Variants in SNX4 observed in about 807,000 individuals in gnomAD.
The protein encoded by SNX4 is sorting nexin-4.
Under a neutral mutation model 70.8 loss-of-function variants are expected in SNX4, and 49 were observed. That is an observed-to-expected ratio of 0.69 (90% CI 0.55 to 0.88). SNX4 has a LOEUF of 0.88. SNX4 is among the 40% of genes least tolerant of loss of function. The probability of loss-of-function intolerance (pLI) is 0.00; values close to 1 mark genes in which losing one functional copy is unlikely to be tolerated. For synonymous variants in SNX4, 206 were observed against 183.8 expected (o/e 1.12, Z -0.98); for missense variants, 528 against 544.8 (o/e 0.97, Z 0.31).
Position 125,446,844 on chromosome 3 carries a change from A to G in SNX4, c.*935T>C, listed in dbSNP as rs1185809757. The G allele has an allele frequency of 6.6e-6, 1 of 152,626 alleles. No homozygotes were observed. Among genetic ancestry groups the G allele is most frequent in the Non-Finnish European group, 1.5e-5 (1 of 68,038 alleles). The allele number at this position is 152,626 out of a possible 1,614,324, so 9.5% of individuals were successfully genotyped here. A position where few individuals can be genotyped will look rare whatever the true frequency, so the allele number is the denominator to read the frequency against. On this transcript the variant is annotated 3_prime_UTR_variant, in exon 14 of 14. Transcript: ENST00000251775. ...GAAGATGCTTGCCTTCTGAACATAT[A>G]CTACAAACACACATACAAAAAAACA...
At chr3:125,511,487 A>C (rs1010526025) in intron 1 of SNX4, among the ~76,000 whole-genome samples, 2 of 152,136 alleles carry the variant, frequency 1.3e-5, no homozygotes, top group East Asian at 3.8e-4. Context: ...AGAAGAGCAG[A>C]CTCCTTTCTT....
intron 1 of SNX4, among the ~76,000 whole-genome samples, chr3:125,518,412 T>C (rs1935324619): frequency 6.6e-6 from 1 of 150,776 alleles, no homozygotes; most frequent in South Asian, 2.1e-4. Context: ...CAGTGAGCCA[T>C]GATTGTGCCA....
At chr3:125,473,667 G>T (rs192690842) in intron 8 of SNX4, among the ~76,000 whole-genome samples, 21 of 152,082 alleles carry the variant, frequency 1.4e-4, no homozygotes, top group South Asian at 8.3e-4. Flanking sequence ...TGCCCGCATC[G>T]GCCTCTCAAA....
intron 10 of SNX4, 151 bp from the exon 11 acceptor site, chr3:125,457,516 T>A: frequency 1.6e-6 from 1 of 613,992 alleles, no homozygotes; most frequent in Admixed American, 3.0e-5. Context: ...AGCCCAACAT[T>A]AAAAATGGAA....
chr3:125,498,805 T>C (rs1185378040), intron 2 of SNX4, among the ~76,000 whole-genome samples: 2 of 152,180 alleles, frequency 1.3e-5, no homozygotes, highest in Non-Finnish European at 2.9e-5. Context: ...TTAGGAACAC[T>C]CTAAAAGCCT....
chr3:125,498,147 C>G lies in SNX4; in HGVS notation c.311G>C (p.Trp104Ser). Residue 104 changes from tryptophan to serine, a missense_variant, in exon 3 of 14, where the codon TGG becomes TCG. This residue lies in a region of SNX4 where 341 missense variants were observed against 312.2 expected (regional missense o/e 1.09). Coordinates refer to ENST00000251775, the MANE Select transcript of SNX4 (RefSeq NM_003794.4). Reference protein sequence around the residue: ...DGQSVLTDSLWRRYSEFELLR... With the variant: ...DGQSVLTDSLSRRYSEFELLR... ...CAACTCAAATTCACTATATCGCCGC[C>G]ATAGTGAGTCTGTTAGGACACTCTG... The G allele has an allele frequency of 6.2e-7, 1 of 1,613,612 alleles. No individual in the cohort carries two copies. Among genetic ancestry groups the G allele is most frequent in the Non-Finnish European group, 8.5e-7 (1 of 1,179,512 alleles).
chr3:125,504,837 G>T, intron 1 of SNX4, 93 bp from the exon 2 acceptor site: 1 of 1,371,168 alleles, frequency 7.3e-7, no homozygotes, highest in Non-Finnish European at 9.7e-7. Context: ...CCCATTATTG[G>T]GTTTATATAT....
intron 7 of SNX4, among the ~76,000 whole-genome samples, chr3:125,477,079 G>A (rs997943770): frequency 5.9e-5 from 9 of 152,132 alleles, no homozygotes; most frequent in African/African-American, 2.2e-4. Context: ...ATTCCACTAA[G>A]TAGTATATAA....
chr3:125,460,603 T>C (rs925864581), intron 10 of SNX4, among the ~76,000 whole-genome samples, 168 bp downstream of exon 10: 1 of 152,212 alleles, frequency 6.6e-6, no homozygotes, highest in East Asian at 1.9e-4. Flanking sequence ...TCATCTTACA[T>C]GTTTATGCCT....
chr3:125,455,833 G>A (rs1469647519), intron 11 of SNX4, among the ~76,000 whole-genome samples: 2 of 152,116 alleles, frequency 1.3e-5, no homozygotes, highest in East Asian at 3.9e-4. Context: ...CTAACATGGT[G>A]AAACCCCGTC....
chr3:125,503,519 G>A (rs1934977587), intron 2 of SNX4, among the ~76,000 whole-genome samples: 1 of 151,950 alleles, frequency 6.6e-6, no homozygotes. Context: ...TTTTAAAGGT[G>A]TCTACTTCCC....
rs888006108 is a variant in SNX4, at chr3:125,520,154, C to A, written c.19G>T (p.Asp7Tyr). 1.2e-5 allele frequency: 17 copies of A among 1,421,808 alleles called. No individual in the cohort carries two copies. Among genetic ancestry groups the A allele is most frequent in the Non-Finnish European group, 1.5e-5 (16 of 1,094,452 alleles). The allele number at this position is 1,421,808 out of a possible 1,614,324, so 88.1% of individuals were successfully genotyped here. The stretch of plus-strand genomic sequence containing the variant: ...GCCGGCTGGAGCTGCCGCTCGGGGT[C>A]CGGAGGTGCCTGCTCCATGGCTGCA... MEQAPP[D>Y]PERQLQPAPL... Residue 7 changes from aspartate to tyrosine, a missense_variant, in exon 1 of 14, where the codon GAC (aspartate) becomes TAC (tyrosine). Coordinates refer to ENST00000251775, the MANE Select transcript of SNX4 (RefSeq NM_003794.4).
chr3:125,469,389 A>C, intron 9 of SNX4, 65 bp downstream of exon 9: 3 of 1,034,078 alleles, frequency 2.9e-6, no homozygotes, highest in Non-Finnish European at 4.5e-6. Context: ...GAAGAATAGA[A>C]GAGTCACTAA....
At chr3:125,515,679 A>G (rs974560088) in intron 1 of SNX4, among the ~76,000 whole-genome samples, 6 of 151,722 alleles carry the variant, frequency 4.0e-5, no homozygotes, top group Admixed American at 6.6e-5. Flanking sequence ...AAAAAAAAAA[A>G]AAAAGAAAAT....
chr3:125,463,071 C>T (rs375867581), intron 9 of SNX4, among the ~76,000 whole-genome samples: 1 of 152,176 alleles, frequency 6.6e-6, no homozygotes, highest in Non-Finnish European at 1.5e-5. Context: ...CTGGTTCCTT[C>T]GCATGGACAC....
Position 125,497,362 on chromosome 3 carries a change from A to G in SNX4, c.576T>C (p.Asn192=). 1 of 1,608,746 alleles carries G rather than the reference A, an allele frequency of 6.2e-7. No homozygotes were observed. The highest frequency in any genetic ancestry group is 1.1e-5 in the South Asian group (1 of 90,754). Residue 192 remains asparagine (N), a synonymous_variant, in exon 5 of 14, where the codon AAT becomes AAC. Coordinates refer to ENST00000251775, the MANE Select transcript of SNX4 (RefSeq NM_003794.4). ...TQEGNWKETV[N]ETGFQLKADS... ...TTACCTTCAGCTGAAACCCAGTTTCATTCACAGTCTCCTTCCAGTTACCTT... is the reference window on the plus strand; with the variant it reads ...TTACCTTCAGCTGAAACCCAGTTTCGTTCACAGTCTCCTTCCAGTTACCTT...
At position 125,451,347 on chromosome 3, in the gene SNX4, G is replaced by A; in HGVS notation, c.1263C>T (p.Ala421=). Residue 421 remains alanine (A), a synonymous_variant, in exon 13 of 14, where the codon GCC becomes GCT. Transcript: ENST00000251775. ...TCTGCATGACTGCATAGCTTATGAGGGCCTCCTTTAAGTCTCGGTTCTTTT... is the reference window on the plus strand; with the variant it reads ...TCTGCATGACTGCATAGCTTATGAGAGCCTCCTTTAAGTCTCGGTTCTTTT... ...KEQKNRDLKE[A]LISYAVMQIS... is the part of the protein sequence containing the mutation. 6.2e-7 allele frequency: 1 copy of A among 1,613,738 alleles called. No homozygotes were observed. Among genetic ancestry groups the A allele is most frequent in the Non-Finnish European group, 8.5e-7 (1 of 1,179,848 alleles).
intron 1 of SNX4, among the ~76,000 whole-genome samples, chr3:125,510,254 A>T (rs1935141157): frequency 6.7e-6 from 1 of 149,372 alleles, no homozygotes; most frequent in Non-Finnish European, 1.5e-5. Flanking sequence ...TTTTTTTGAG[A>T]CGGAGTCTTG....
At chr3:125,453,053 A>T (rs1933617817) in intron 12 of SNX4, among the ~76,000 whole-genome samples, 1 of 152,242 alleles carries the variant, frequency 6.6e-6, no homozygotes, top group Non-Finnish European at 1.5e-5. Context: ...GAAAACAAAA[A>T]TAAGAAAAAT....
Sources: gnomAD v4.1 joint callset for allele counts (sites outside exome capture counted in the v4.1 genomes callset) on GRCh38, gnomAD v4.1.1 for gene constraint, gnomAD v4.1.1 regional missense constraint, MANE v1.5 for transcripts, NCBI Gene and HGNC (gene_info 2026-07-23, HGNC 2026-07-21) for gene names.